The following PLPPR5 variants were observed in gnomAD, a reference collection of about 807,000 sequenced individuals.
The protein encoded by PLPPR5 is phospholipid phosphatase related 5, also known as phospholipid phosphatase-related protein type 5.
PLPPR5 carries 16 observed loss-of-function variants against 33.9 expected under a neutral mutation model. That is an observed-to-expected ratio of 0.47 (90% CI 0.32 to 0.72). The LOEUF is 0.72. Ranked by LOEUF, PLPPR5 falls within the 30% of genes least tolerant of loss-of-function variation. The probability of loss-of-function intolerance (pLI) is 0.03; values close to 1 mark genes in which losing one functional copy is unlikely to be tolerated. For synonymous variants in PLPPR5, 163 were observed against 150.3 expected (o/e 1.08, Z -0.62); for missense variants, 301 against 406.7 (o/e 0.74, Z 2.23).
chr1:99,005,431 C>T (rs1377582312), upstream of PLPPR5, among the ~76,000 whole-genome samples: 1 of 152,090 alleles, frequency 6.6e-6, no homozygotes, highest in Non-Finnish European at 1.5e-5. Context: ...AAAATCTCAG[C>T]GAGGTTTCTT....
At position 98,890,642 on chromosome 1, in the gene PLPPR5, T is replaced by A. The variant is rs1242732109; in HGVS notation, c.*2430A>T. 6.6e-6 allele frequency: 1 copy of A among 152,598 alleles called. No individual in the cohort carries two copies. The highest frequency in any genetic ancestry group is 1.5e-5 in the Non-Finnish European group (1 of 68,008). The allele number at this position is 152,598 out of a possible 1,614,324, so 9.5% of individuals were successfully genotyped here. ...TTGCCTGCTTTTACTAGACTACATA[T>A]GTACATATTTACATGGTAATATTTT... On this transcript the variant is annotated 3_prime_UTR_variant, in exon 6 of 6. Transcript: ENST00000263177.
chr1:98,959,926 C>T (rs2101225728), intron 1 of PLPPR5, among the ~76,000 whole-genome samples: 1 of 152,202 alleles, frequency 6.6e-6, no homozygotes. Flanking sequence ...TTGCTGGACC[C>T]TCCGGCCAGT....
At chr1:98,951,167 T>C (rs1393460311) in intron 3 of PLPPR5, among the ~76,000 whole-genome samples, 1 of 152,226 alleles carries the variant, frequency 6.6e-6, no homozygotes, top group African/African-American at 2.4e-5. Flanking sequence ...TTAGACGTGA[T>C]GGCAATGAGT....
At chr1:98,899,587 G>A (rs1648609317) in intron 5 of PLPPR5, among the ~76,000 whole-genome samples, 1 of 151,080 alleles carries the variant, frequency 6.6e-6, no homozygotes, top group Admixed American at 6.6e-5. Context: ...CACATTATAT[G>A]TCATGCTTAG....
intron 3 of PLPPR5, among the ~76,000 whole-genome samples, chr1:98,948,215 G>A (rs544303355): frequency 6.6e-6 from 1 of 152,276 alleles, no homozygotes; most frequent in Non-Finnish European, 1.5e-5. Context: ...CAAAAGAAGA[G>A]AGGGGCAAAC....
At chr1:98,984,913 A>G (rs1368316537) in intron 1 of PLPPR5, among the ~76,000 whole-genome samples, 2 of 151,986 alleles carry the variant, frequency 1.3e-5, no homozygotes, top group African/African-American at 4.8e-5. Flanking sequence ...AAAAAAAACT[A>G]CCTAGCTAAC....
intron 1 of PLPPR5, among the ~76,000 whole-genome samples, chr1:98,972,978 G>T (rs1344438613): frequency 6.6e-6 from 1 of 152,068 alleles, no homozygotes. Flanking sequence ...AAGGGCAATC[G>T]TTGTGCAATC....
At chr1:98,946,858 T>C (rs904810953) in intron 3 of PLPPR5, among the ~76,000 whole-genome samples, 2 of 152,178 alleles carry the variant, frequency 1.3e-5, no homozygotes, top group African/African-American at 2.4e-5. Flanking sequence ...AAGGTAAATG[T>C]GAATTTTTAG....
chr1:98,956,794 T>C (rs1651026842), intron 1 of PLPPR5, 53 bp from the exon 2 acceptor site: 1 of 1,344,974 alleles, frequency 7.4e-7, no homozygotes, highest in Admixed American at 2.7e-5. Flanking sequence ...AGTATAAATG[T>C]AAAATATTTT....
At chr1:98,968,451 C>G (rs1651529680) in intron 1 of PLPPR5, among the ~76,000 whole-genome samples, 1 of 152,016 alleles carries the variant, frequency 6.6e-6, no homozygotes, top group Admixed American at 6.6e-5. Context: ...TAAATACTCT[C>G]TGGGACTTAA....
chr1:99,002,331 T>C (rs1199887501), intron 1 of PLPPR5, among the ~76,000 whole-genome samples: 5 of 152,172 alleles, frequency 3.3e-5, no homozygotes, highest in Non-Finnish European at 4.4e-5. Flanking sequence ...GAAAAATCTA[T>C]CCACTTATAT....
chr1:98,962,996 TTAAC>T (rs963312764), intron 1 of PLPPR5, among the ~76,000 whole-genome samples: 8 of 152,168 alleles, frequency 5.3e-5, no homozygotes, highest in African/African-American at 1.9e-4. Flanking sequence ...AGCTTGTGGA[TTAAC>T]TAAAATTTCA....
chr1:98,925,403 T>C (rs1386251727), intron 3 of PLPPR5, among the ~76,000 whole-genome samples: 1 of 152,178 alleles, frequency 6.6e-6, no homozygotes, highest in Non-Finnish European at 1.5e-5. Flanking sequence ...CAAATATCCA[T>C]TAGCACTAAG....
At chr1:98,992,046 A>G (rs1415660605) in intron 1 of PLPPR5, among the ~76,000 whole-genome samples, 3 of 152,204 alleles carry the variant, frequency 2.0e-5, no homozygotes, top group Non-Finnish European at 4.4e-5. Flanking sequence ...AAGATAAGGG[A>G]AAAATACAGG....
At chr1:98,946,562 A>G (rs1431960873) in intron 3 of PLPPR5, among the ~76,000 whole-genome samples, 1 of 151,874 alleles carries the variant, frequency 6.6e-6, no homozygotes, top group East Asian at 1.9e-4. Flanking sequence ...CTTCCCTGGG[A>G]CACTTCTTCT....
At chr1:98,936,444 A>C (rs775908603) in intron 3 of PLPPR5, among the ~76,000 whole-genome samples, 1 of 152,144 alleles carries the variant, frequency 6.6e-6, no homozygotes, top group Non-Finnish European at 1.5e-5. Context: ...AACCCAACCC[A>C]GTTGTTTCCA....
chr1:98,953,852 A>G (rs1650899201), intron 2 of PLPPR5, among the ~76,000 whole-genome samples: 1 of 152,178 alleles, frequency 6.6e-6, no homozygotes, highest in Non-Finnish European at 1.5e-5. Context: ...TTAAATATGG[A>G]AAATCTTAAG....
At chr1:98,965,725 A>C (rs1377266328) in intron 1 of PLPPR5, among the ~76,000 whole-genome samples, 1 of 152,198 alleles carries the variant, frequency 6.6e-6, no homozygotes, top group Non-Finnish European at 1.5e-5. Flanking sequence ...TCAAATGTCA[A>C]ACTCCAAATA....
intron 5 of PLPPR5, among the ~76,000 whole-genome samples, chr1:98,905,102 C>G (rs1319013629): frequency 6.6e-6 from 1 of 152,132 alleles, no homozygotes; most frequent in Non-Finnish European, 1.5e-5. Context: ...CTCTCTTATT[C>G]TCCTCTCTGA....
Sources: gnomAD v4.1 joint callset for allele counts (sites outside exome capture counted in the v4.1 genomes callset) on GRCh38, gnomAD v4.1.1 for gene constraint, MANE v1.5 for transcripts, NCBI Gene and HGNC (gene_info 2026-07-23, HGNC 2026-07-21) for gene names.